TRIM68: variants seen among roughly 807,000 people sequenced by gnomAD.
The protein encoded by TRIM68 is E3 ubiquitin-protein ligase TRIM68.
In TRIM68, 36 loss-of-function variants were observed where a neutral mutation model predicts 41.9. The observed-to-expected ratio is 0.86, with a 90% CI of 0.66 to 1.14. The LOEUF (loss-of-function observed/expected upper bound fraction) is 1.14. Among genes scored for constraint, TRIM68 ranks in the 50% most tolerant of loss-of-function variants. TRIM68 has a pLI of 0.00. For missense variants in TRIM68, 632 were observed against 605.1 expected (o/e 1.04, Z -0.47); for synonymous variants, 225 against 224.6 (o/e 1.00, Z -0.02).
chr11:4,601,193 A>G, intron 5 of TRIM68, 66 bp from the exon 6 acceptor site: 1 of 1,262,322 alleles, frequency 7.9e-7, no homozygotes, highest in Non-Finnish European at 1.2e-6. Flanking sequence ...TTATCTTAGT[A>G]CAGGGAAGAG....
chr11:4,604,443 A>T (rs910548855), intron 2 of TRIM68, among the ~76,000 whole-genome samples: 1 of 152,258 alleles, frequency 6.6e-6, no homozygotes, highest in Non-Finnish European at 1.5e-5. Context: ...CTTGTCAAAC[A>T]AACAAACTTG....
At chr11:4,606,789 T>C (rs1290164226) in intron 1 of TRIM68, among the ~76,000 whole-genome samples, 4 of 152,186 alleles carry the variant, frequency 2.6e-5, no homozygotes, top group Non-Finnish European at 5.9e-5. Context: ...CTCTTTAGCT[T>C]TAAGGTATAA....
At position 4,602,427 on chromosome 11, in the gene TRIM68, T is replaced by C. The variant is rs1198054418; in HGVS notation, c.523-15A>G. 2 of 1,611,924 alleles carry C rather than the reference T, an allele frequency of 1.2e-6. No homozygotes were observed. The highest frequency in any genetic ancestry group is 1.7e-6 in the Non-Finnish European group (2 of 1,179,050). On this transcript the variant is annotated splice_polypyrimidine_tract_variant and intron_variant, in intron 3 of 6. Coordinates refer to ENST00000300747, the MANE Select transcript of TRIM68 (RefSeq NM_018073.8). ...TCCACCTGTATCTGTGGAGCCAAGATGGAAATCAGCACTGATACTTTCAGT... is the reference window on the plus strand; with the variant it reads ...TCCACCTGTATCTGTGGAGCCAAGACGGAAATCAGCACTGATACTTTCAGT...
rs372093266 is a variant in TRIM68, at chr11:4,600,417, C to A, written c.1317G>T (p.Val439=). Residue 439 remains valine (V), a synonymous_variant, in exon 7 of 7, where the codon GTG becomes GTT. Transcript: ENST00000300747. ...YEAHDISFYN[V]TDCGSHIFTF... The stretch of plus-strand genomic sequence containing the variant: ...TGAAGATGTGGGAGCCACAGTCAGT[C>A]ACATTGTAGAAAGAAATGTCATGGG... The A allele has an allele frequency of 2.4e-5, 38 of 1,613,964 alleles. No individual in the cohort carries two copies. Among genetic ancestry groups the A allele is most frequent in the Non-Finnish European group, 3.2e-5 (38 of 1,179,998 alleles).
chr11:4,600,885 G>A, intron 6 of TRIM68, 59 bp from the exon 7 acceptor site: 1 of 1,578,116 alleles, frequency 6.3e-7, no homozygotes. Flanking sequence ...ATGGGTGAGA[G>A]CCCTCTGATA....
At position 4,601,456 on chromosome 11, in the gene TRIM68, C is replaced by T. The variant is rs1846488408; in HGVS notation, c.806+208G>A. On this transcript the variant is annotated intron_variant, in intron 5 of 6. Coordinates refer to ENST00000300747, the MANE Select transcript of TRIM68 (RefSeq NM_018073.8). ...TGAAACCACATATTTTACAGCTTCACTTGATATACATTTGATCAAGTACAA... is the reference window on the plus strand; with the variant it reads ...TGAAACCACATATTTTACAGCTTCATTTGATATACATTTGATCAAGTACAA... 5 of 606,546 alleles carry T rather than the reference C, an allele frequency of 8.2e-6. No homozygotes were observed. In the Admixed American group the frequency reaches 8.8e-5, roughly 11 times the overall value. 37.6% of individuals were successfully genotyped at this position (606,546 alleles called of 1,614,324 possible). A position where few individuals can be genotyped will look rare whatever the true frequency, so the allele number is the denominator to read the frequency against.
chr11:4,601,335 T>G, intron 5 of TRIM68: 1 of 600,570 alleles, frequency 1.7e-6, no homozygotes, highest in Non-Finnish European at 3.0e-6. Flanking sequence ...AAGGGTTGGA[T>G]GTATATTTGA....
At chr11:4,605,769 G>A (rs931643233) in intron 1 of TRIM68, among the ~76,000 whole-genome samples, 1 of 152,168 alleles carries the variant, frequency 6.6e-6, no homozygotes, top group South Asian at 2.1e-4. Context: ...TAATGGGGAT[G>A]CCTAAGTGAG....
At position 4,602,302 on chromosome 11, in the gene TRIM68, T is replaced by G. The variant is rs1435054114; in HGVS notation, c.633A>C (p.Ala211=). 2 of 1,614,222 alleles carry G rather than the reference T, an allele frequency of 1.2e-6. No homozygotes were observed. The highest frequency in any genetic ancestry group is 1.7e-6 in the Non-Finnish European group (2 of 1,180,046). ...PHRQLGAEVA[A]ALASLQREAA... Reference sequence around the variant, plus strand: ...CCTCCCGCTGTAGGCTGGCCAGAGCTGCTGCTACCTCTGCCCCCAGCTGCC... The same window carrying G: ...CCTCCCGCTGTAGGCTGGCCAGAGCGGCTGCTACCTCTGCCCCCAGCTGCC... Residue 211 remains alanine (A), a synonymous_variant, in exon 4 of 7, where the codon GCA becomes GCC. Transcript: ENST00000300747.
In TRIM68 at chr11:4,599,100, G is replaced by C. The variant is rs1024628285; in HGVS notation, c.*1176C>G. ...ACCCAAATATAATAAGTGATGTATAGGCATGTGACCTGCGAAGTGAGTTTG... is the reference window on the plus strand; with the variant it reads ...ACCCAAATATAATAAGTGATGTATACGCATGTGACCTGCGAAGTGAGTTTG... On this transcript the variant is annotated 3_prime_UTR_variant, in exon 7 of 7. Transcript: ENST00000300747. 1.1e-4 allele frequency: 16 copies of C among 152,208 alleles called. No homozygotes were observed. The highest frequency in any genetic ancestry group is 3.9e-4 in the African/African-American group (16 of 41,462). The allele number at this position is 152,208 out of a possible 1,614,324, so 9.4% of individuals were successfully genotyped here.
Position 4,608,129 on chromosome 11 carries a change from G to A in TRIM68, c.-160C>T, listed in dbSNP as rs1313603550. 6.6e-5 allele frequency: 10 copies of A among 152,384 alleles called. No homozygotes were observed. The East Asian group carries it at 1.9e-3, about 29-fold the overall frequency. 9.4% of individuals were successfully genotyped at this position (152,384 alleles called of 1,614,324 possible). On this transcript the variant is annotated 5_prime_UTR_variant, in exon 1 of 7. Transcript: ENST00000300747. ...CCAGCGTCAGAAGCTGCCGTTCCCG[G>A]CAGCTCAGCACTTAGGGCCAGAGAG...
intron 1 of TRIM68, 87 bp from the exon 2 acceptor site, chr11:4,605,648 G>A: frequency 1.2e-6 from 1 of 822,280 alleles, no homozygotes; most frequent in Non-Finnish European, 1.8e-6. Flanking sequence ...ATTTCTGGGG[G>A]AAAACCACCT....
Position 4,602,986 on chromosome 11 carries a change from C to T in TRIM68, c.522+259G>A, listed in dbSNP as rs115625016. On this transcript the variant is annotated intron_variant, in intron 3 of 6. Coordinates refer to ENST00000300747, the MANE Select transcript of TRIM68 (RefSeq NM_018073.8). ...AGCCATGCCACTGTGAGCTGACACACGTGAGCATGTGCTTTTCCTTTCTCA... is the reference window on the plus strand; with the variant it reads ...AGCCATGCCACTGTGAGCTGACACATGTGAGCATGTGCTTTTCCTTTCTCA... 8.7e-3 allele frequency among the ~76,000 whole-genome samples: 1,332 copies of T among 152,338 alleles called. 20 individuals are homozygous for T. The highest frequency in any genetic ancestry group is 0.028 in the African/African-American group (1,165 of 41,580).
At chr11:4,603,881 C>T (rs924636318) in intron 2 of TRIM68, among the ~76,000 whole-genome samples, 6 of 152,224 alleles carry the variant, frequency 3.9e-5, no homozygotes, top group African/African-American at 1.4e-4. Flanking sequence ...AAAGCATAAA[C>T]TGTGCAGAAA....
chr11:4,601,526 T>G, intron 5 of TRIM68, 138 bp downstream of exon 5: 1 of 835,250 alleles, frequency 1.2e-6, no homozygotes, highest in Non-Finnish European at 2.0e-6. Flanking sequence ...GCCATTACCA[T>G]GTAAGTGGGA....
chr11:4,601,227 A>G (rs1164796380), intron 5 of TRIM68, 100 bp from the exon 6 acceptor site: 2 of 895,810 alleles, frequency 2.2e-6, no homozygotes, highest in African/African-American at 3.3e-5. Flanking sequence ...GACATAGTGA[A>G]CCCCAGCAAA....
Position 4,599,248 on chromosome 11 carries a change from G to C in TRIM68, c.*1028C>G, listed in dbSNP as rs928626301. On this transcript the variant is annotated 3_prime_UTR_variant, in exon 7 of 7. Coordinates refer to ENST00000300747, the MANE Select transcript of TRIM68 (RefSeq NM_018073.8). ...GCAGTGGCTCATGCCTCTAATCCCAGCACTGTGGGAGGCTGAGGAGGGCGG... is the reference window on the plus strand; with the variant it reads ...GCAGTGGCTCATGCCTCTAATCCCACCACTGTGGGAGGCTGAGGAGGGCGG... 2.6e-5 allele frequency: 4 copies of C among 152,146 alleles called. No individual in the cohort carries two copies. The highest frequency in any genetic ancestry group is 9.7e-5 in the African/African-American group (4 of 41,426). The allele number at this position is 152,146 out of a possible 1,614,324, so 9.4% of individuals were successfully genotyped here. A position where few individuals can be genotyped will look rare whatever the true frequency, so the allele number is the denominator to read the frequency against.
intron 3 of TRIM68, among the ~76,000 whole-genome samples, 167 bp downstream of exon 3, chr11:4,603,078 C>T (rs188339594): frequency 1.3e-5 from 2 of 152,282 alleles, no homozygotes; most frequent in South Asian, 2.1e-4. Context: ...TAAGAGGTGA[C>T]GTGGCCTACC....
At position 4,605,230 on chromosome 11, in the gene TRIM68, C is replaced by A. The variant is rs772508960; in HGVS notation, c.275G>T (p.Gly92Val). The change falls in exon 2 of 7, where the codon GGG becomes GTG. Residue 92 changes from glycine (G) to valine (V), a missense_variant. Transcript: ENST00000300747. ...GCGCTCACACAGGTCACCCTTCAGC[C>A]CCATTCCTGGATGTAGCCTTAGCAG... ...VRLLRLHPGM[G>V]LKGDLCERHG... 1 of 1,614,260 alleles carries A rather than the reference C, an allele frequency of 6.2e-7. No homozygotes were observed. Among genetic ancestry groups the A allele is most frequent in the South Asian group, 1.1e-5 (1 of 91,084 alleles).
Sources: allele counts gnomAD v4.1 joint callset (sites outside exome capture counted in the v4.1 genomes callset), GRCh38; gene constraint gnomAD v4.1.1; transcripts MANE v1.5; gene names NCBI Gene and HGNC (gene_info 2026-07-23, HGNC 2026-07-21).